Variants in RNF13 observed in about 807,000 individuals in gnomAD.
RNF13 encodes the protein E3 ubiquitin-protein ligase RNF13.
A neutral mutation model predicts 37.7 loss-of-function variants in RNF13; 19 were observed. That is an observed-to-expected ratio of 0.50 (90% CI 0.35 to 0.74). The LOEUF is 0.74. RNF13 is among the 30% of genes least tolerant of loss of function. The pLI is 0.01. For missense variants in RNF13, 375 were observed against 453.0 expected (o/e 0.83, Z 1.56); for synonymous variants, 144 against 157.8 (o/e 0.91, Z 0.65).
chr3:149,939,627 C>A, intron 8 of RNF13: 1 of 638,294 alleles, frequency 1.6e-6, no homozygotes, highest in Non-Finnish European at 3.0e-6. Context: ...CAACAATATG[C>A]AATTTATCCT....
chr3:149,926,391 T>C (rs1718657872), intron 8 of RNF13, among the ~76,000 whole-genome samples: 1 of 152,088 alleles, frequency 6.6e-6, no homozygotes, highest in African/African-American at 2.4e-5. Flanking sequence ...TTTGTATTTT[T>C]AGTAGAGATG....
intron 8 of RNF13, among the ~76,000 whole-genome samples, chr3:149,947,304 T>C (rs1268447103): frequency 2.0e-5 from 3 of 150,910 alleles, no homozygotes; most frequent in Non-Finnish European, 2.9e-5. Context: ...AAGTCATCTG[T>C]GTCTTCTGTT....
chr3:149,924,663 G>C (rs1718466101), intron 8 of RNF13, among the ~76,000 whole-genome samples: 1 of 152,134 alleles, frequency 6.6e-6, no homozygotes, highest in Non-Finnish European at 1.5e-5. Flanking sequence ...AGAGTGGTCA[G>C]GCCAAAAATC....
intron 6 of RNF13, among the ~76,000 whole-genome samples, chr3:149,905,976 C>T (rs561061750): frequency 3.3e-5 from 5 of 152,296 alleles, no homozygotes; most frequent in Non-Finnish European, 5.9e-5. Context: ...CATTTGCAGT[C>T]ACTTCCTATT....
intron 8 of RNF13, among the ~76,000 whole-genome samples, chr3:149,929,725 A>C (rs1003270868): frequency 2.0e-5 from 3 of 152,042 alleles, no homozygotes; most frequent in African/African-American, 7.2e-5. Context: ...CCCCTACTAT[A>C]TAGGTTCATT....
chr3:149,874,763 A>G (rs1405449168), intron 4 of RNF13, among the ~76,000 whole-genome samples: 1 of 152,148 alleles, frequency 6.6e-6, no homozygotes, highest in Middle Eastern at 3.2e-3. Context: ...AGAATTATGG[A>G]TCACCTATCA....
At chr3:149,954,636 C>T (rs1257513336) in intron 8 of RNF13, among the ~76,000 whole-genome samples, 1 of 152,106 alleles carries the variant, frequency 6.6e-6, no homozygotes, top group Non-Finnish European at 1.5e-5. Context: ...TTCCTATTTA[C>T]CACACTTTGG....
At chr3:149,818,664 G>T (rs551197525) in intron 1 of RNF13, among the ~76,000 whole-genome samples, 6 of 152,160 alleles carry the variant, frequency 3.9e-5, no homozygotes, top group Admixed American at 3.9e-4. Flanking sequence ...TGTAATCCCA[G>T]CACTTTGGGA....
At chr3:149,831,025 C>T (rs1404850420) in intron 1 of RNF13, among the ~76,000 whole-genome samples, 4 of 152,230 alleles carry the variant, frequency 2.6e-5, no homozygotes, top group Non-Finnish European at 2.9e-5. Flanking sequence ...AAGTCCAGAA[C>T]TGAGGTTTGG....
intron 5 of RNF13, among the ~76,000 whole-genome samples, chr3:149,901,654 GCT>G (rs1362793305): frequency 6.6e-6 from 1 of 151,972 alleles, no homozygotes; most frequent in Non-Finnish European, 1.5e-5. Context: ...ATATTCTCTG[GCT>G]TATACGTCTC....
At chr3:149,838,949 T>C (rs944147528) in intron 1 of RNF13, among the ~76,000 whole-genome samples, 1 of 103,852 alleles carries the variant, frequency 9.6e-6, no homozygotes, top group Non-Finnish European at 1.9e-5. Context: ...TGAATAAAAC[T>C]GAATGCTTTT....
rs189046191 is a variant in RNF13, at chr3:149,895,348, C to G, written c.322-125C>G. ...GCAAAACAGATTAATGCTTTGAGTC[C>G]TTTTAATGTTTTAGCTTGTATCCTC... On this transcript the variant is annotated intron_variant, in intron 4 of 9. Coordinates refer to ENST00000392894, the MANE Select transcript of RNF13 (RefSeq NM_183381.3). 1.5e-4 allele frequency: 90 copies of G among 591,946 alleles called. No individual in the cohort carries two copies. In the African/African-American group the frequency reaches 1.6e-3, roughly 11 times the overall value. The allele number at this position is 591,946 out of a possible 1,614,324, so 36.7% of individuals were successfully genotyped here. A position where few individuals can be genotyped will look rare whatever the true frequency, so the allele number is the denominator to read the frequency against.
chr3:149,822,825 A>T (rs1210359590), intron 1 of RNF13, among the ~76,000 whole-genome samples: 1 of 152,146 alleles, frequency 6.6e-6, no homozygotes, highest in Non-Finnish European at 1.5e-5. Context: ...TCAGGGATAA[A>T]CCATATTTAT....
At chr3:149,905,885 A>T (rs1412991266) in intron 6 of RNF13, among the ~76,000 whole-genome samples, 2 of 152,120 alleles carry the variant, frequency 1.3e-5, no homozygotes, top group African/African-American at 4.8e-5. Flanking sequence ...CAGTGATTTG[A>T]GTATATTTAT....
At chr3:149,829,180 A>G (rs1241286822) in intron 1 of RNF13, among the ~76,000 whole-genome samples, 2 of 151,996 alleles carry the variant, frequency 1.3e-5, no homozygotes, top group African/African-American at 2.4e-5. Flanking sequence ...GCTCACTGCA[A>G]CCTCTTCCTC....
intron 1 of RNF13, among the ~76,000 whole-genome samples, chr3:149,815,225 T>A (rs979627996): frequency 2.0e-5 from 3 of 152,196 alleles, no homozygotes; most frequent in African/African-American, 7.2e-5. Flanking sequence ...AGGGTAGGCC[T>A]GAGGGTATGA....
intron 8 of RNF13, among the ~76,000 whole-genome samples, chr3:149,958,277 C>T (rs2108616866): frequency 6.6e-6 from 1 of 152,292 alleles, no homozygotes; most frequent in South Asian, 2.1e-4. Context: ...GGACTGTGTT[C>T]CTTTCTGGAG....
intron 2 of RNF13, among the ~76,000 whole-genome samples, chr3:149,846,366 G>A (rs1404574608): frequency 1.3e-5 from 2 of 151,928 alleles, no homozygotes; most frequent in Non-Finnish European, 2.9e-5. Flanking sequence ...ACATTGTTGC[G>A]GTCCTGGCTC....
In RNF13 at chr3:149,860,156, C is replaced by T. The variant is rs568560784; in HGVS notation, c.195+7560C>T. On this transcript the variant is annotated intron_variant, in intron 3 of 9. Coordinates refer to ENST00000392894, the MANE Select transcript of RNF13 (RefSeq NM_183381.3). ...TGGTGGGCACCTGTAGTCCCAGCTACTCAGGAGGCTGAGGAGAATCATTGA... is the reference window on the plus strand; with the variant it reads ...TGGTGGGCACCTGTAGTCCCAGCTATTCAGGAGGCTGAGGAGAATCATTGA... Among the ~76,000 whole-genome samples, 4 of 150,572 alleles carry T rather than the reference C, an allele frequency of 2.7e-5. No individual in the cohort carries two copies. In the East Asian group the frequency reaches 7.9e-4, roughly 30 times the overall value.
Sources: allele counts gnomAD v4.1 joint callset (sites outside exome capture counted in the v4.1 genomes callset), GRCh38; gene constraint gnomAD v4.1.1; transcripts MANE v1.5; gene names NCBI Gene and HGNC (gene_info 2026-07-23, HGNC 2026-07-21).